Variants in ABCA7 observed in about 807,000 individuals in gnomAD.
ABCA7 encodes phospholipid-transporting ATPase ABCA7.
ABCA7 carries 261 observed loss-of-function variants against 227.6 expected under a neutral mutation model. That is an observed-to-expected ratio of 1.15 (90% CI 1.04 to 1.27). The LOEUF (loss-of-function observed/expected upper bound fraction) is 1.27. Among genes scored for constraint, ABCA7 ranks in the 50% most tolerant of loss-of-function variants. The pLI is 0.00. For missense variants in ABCA7, 3,331 were observed against 2,924.5 expected, an observed-to-expected ratio of 1.14 and a Z score of -3.21; for synonymous variants, 1,488 against 1,279.7, an observed-to-expected ratio of 1.16 and a Z score of -3.47.
chr19:1,053,259 G>T, intron 23 of ABCA7, 70 bp from the exon 24 acceptor site: 1 of 1,486,388 alleles, frequency 6.7e-7, no homozygotes, highest in Middle Eastern at 2.4e-4. Context: ...GGTCACCAAT[G>T]CCTCTTCCCC....
rs774715806 is a variant in ABCA7 at position 1,049,446 on chromosome 19, C to T, written c.2552+9C>T. On this transcript the variant is annotated intron_variant, in intron 18 of 46. Coordinates refer to ENST00000263094, the MANE Select transcript of ABCA7 (RefSeq NM_019112.4). ...GGCAAGACCACCACCCTGTGAGCCC[C>T]CAACCACTCCCTCCCCGTGAGCCCC... 4 of 1,579,776 alleles carry T rather than the reference C, an allele frequency of 2.5e-6. No homozygotes were observed. The South Asian group carries it at 3.4e-5, about 13-fold the overall frequency.
chr19:1,051,092 A>G (rs977463956), intron 19 of ABCA7, 40 bp downstream of exon 19: 2 of 1,611,288 alleles, frequency 1.2e-6, no homozygotes, highest in Admixed American at 1.7e-5. Flanking sequence ...GTGGGAAGGG[A>G]CTGGACGCCC....
chr19:1,042,247 C>T (rs1599548221), intron 5 of ABCA7, 68 bp from the exon 6 acceptor site: 2 of 1,588,600 alleles, frequency 1.3e-6, no homozygotes, highest in Admixed American at 1.7e-5. Flanking sequence ...GAAATGGGCA[C>T]AGGGTGGGGG....
rs778252749 is a variant in ABCA7, at chr19:1,044,703, G to T, written c.1174G>T (p.Asp392Tyr). 3.2e-5 allele frequency: 52 copies of T among 1,612,182 alleles called. No homozygotes were observed. The highest frequency in any genetic ancestry group is 4.3e-5 in the Non-Finnish European group (51 of 1,179,864). The stretch of plus-strand genomic sequence containing the variant: ...CTACAGCTGGCAGGACGCACACGCT[G>T]ATGTGGGGCACCTGGTGGGCACGCT... ...GGYSWQDAHA[D>Y]VGHLVGTLGR... The change falls in exon 11 of 47, where the codon GAT (aspartate) becomes TAT (tyrosine). Residue 392 changes from aspartate (D) to tyrosine (Y), a missense_variant. Transcript: ENST00000263094.
At chr19:1,057,258 G>C (rs1310194855) in intron 34 of ABCA7, 56 bp from the exon 35 acceptor site, 4 of 1,593,456 alleles carry the variant, frequency 2.5e-6, no homozygotes, top group East Asian at 2.2e-5. Flanking sequence ...ACAGGGCTGA[G>C]GGTGGCAGTG....
At chr19:1,064,794 C>A in intron 45 of ABCA7, 137 bp from the exon 46 acceptor site, 1 of 1,355,994 alleles carries the variant, frequency 7.4e-7, no homozygotes, top group Non-Finnish European at 9.6e-7. Context: ...TGGCGGGGGA[C>A]TGAGACGGGA....
chr19:1,052,278 G>A lies in ABCA7; in HGVS notation c.3212G>A (p.Ser1071Asn). 6.5e-6 allele frequency: 10 copies of A among 1,540,500 alleles called. No individual in the cohort carries two copies. The highest frequency in any genetic ancestry group is 8.7e-6 in the Non-Finnish European group (10 of 1,144,576). Residue 1071 changes from serine to asparagine, a missense_variant, in exon 23 of 47, where the codon AGC becomes AAC. Physicochemically the swap from Ser to Asn is conservative, Grantham distance 46. Transcript: ENST00000263094. ...GAAAAGAAGAATGGCAGCCAGGGCAGCAGAGTCGGTGAGGGCCGGGGTGGG... is the reference window on the plus strand; with the variant it reads ...GAAAAGAAGAATGGCAGCCAGGGCAACAGAGTCGGTGAGGGCCGGGGTGGG... ...RQEKKNGSQGSRVGTPQLLAL... is the reference protein window; with the variant it reads ...RQEKKNGSQGNRVGTPQLLAL...
At position 1,043,456 on chromosome 19, in the gene ABCA7, C is replaced by G; in HGVS notation, c.913C>G (p.Arg305Gly). 1 of 1,613,260 alleles carries G rather than the reference C, an allele frequency of 6.2e-7. No homozygotes were observed. The highest frequency in any genetic ancestry group is 1.3e-5 in the African/African-American group (1 of 75,040). Residue 305 changes from arginine (R) to glycine (G), a missense_variant, in exon 9 of 47, where the codon CGG becomes GGG. Arg to Gly is a moderately radical substitution (Grantham distance 125). Transcript: ENST00000263094. ...CTTTGCACCAGATACACCTTTTACC[C>G]GGAAGCTCATGGCCCAGGTGGGGGC... ...LLFAPDTPFT[R>G]KLMAQVNRTF...
chr19:1,050,282 T>C (rs1040511384), intron 18 of ABCA7, among the ~76,000 whole-genome samples: 1 of 151,684 alleles, frequency 6.6e-6, no homozygotes, highest in African/African-American at 2.4e-5. Flanking sequence ...GATGGTGGCG[T>C]GCACCTGTAA....
chr19:1,042,628 G>C (rs1438979022), intron 6 of ABCA7, 118 bp from the exon 7 acceptor site: 1 of 1,179,252 alleles, frequency 8.5e-7, no homozygotes, highest in African/African-American at 1.5e-5. Flanking sequence ...CAGAGCCTCA[G>C]TTTCCCTATT....
In ABCA7 at chr19:1,054,320, C is replaced by T. The variant is rs2042049586; in HGVS notation, c.3705C>T (p.Ser1235=). 2 of 1,600,538 alleles carry T rather than the reference C, an allele frequency of 1.2e-6. No individual in the cohort carries two copies. The highest frequency in any genetic ancestry group is 1.1e-5 in the South Asian group (1 of 90,776). The change falls in exon 27 of 47, where the codon AGC becomes AGT. Residue 1235 remains serine, a synonymous_variant. Transcript: ENST00000263094. This position sits in a 1 kb window ranked among gnomAD's most constrained non-coding sequence, Gnocchi z 4.8. ...LLKRFLLARR[S]RRGLFAQIVL... The stretch of plus-strand genomic sequence containing the variant: ...AGCGCTTTCTGCTTGCCCGCCGCAG[C>T]CGCCGCGGCCTGTTCGCCCAGGTGA...
rs556286113 is a variant in ABCA7 at position 1,058,728 on chromosome 19, C to G, written c.5260C>G (p.Arg1754Gly). Residue 1754 changes from arginine (R) to glycine (G), a missense_variant, in exon 38 of 47, where the codon CGA (arginine) becomes GGA (glycine). Arg to Gly is a moderately radical substitution (Grantham distance 125, BLOSUM62 -2). Transcript: ENST00000263094. ...FLLFTLLLQHRSQLLPQPRVR... is the reference protein window; with the variant it reads ...FLLFTLLLQHGSQLLPQPRVR... ...TCTCTTCACACTACTGCTGCAGCACCGAAGCCAACTCCTGCCACAGTTAGT... is the reference window on the plus strand; with the variant it reads ...TCTCTTCACACTACTGCTGCAGCACGGAAGCCAACTCCTGCCACAGTTAGT... The G allele has an allele frequency of 1.9e-6, 3 of 1,613,812 alleles. No homozygotes were observed. Among genetic ancestry groups the G allele is most frequent in the East Asian group, 2.2e-5 (1 of 44,882 alleles).
chr19:1,051,145 C>G lies in ABCA7; in HGVS notation c.2685-10C>G, dbSNP rs1428860998. On this transcript the variant is annotated splice_polypyrimidine_tract_variant and intron_variant, in intron 19 of 46. Transcript: ENST00000263094. ...CATGTGGGTCACTCTGCTCTGTGCA[C>G]TGGCCGCAGGCTGACCGTGGACGAG... is the stretch of plus-strand genomic sequence containing the variant. 2 of 1,611,068 alleles carry G rather than the reference C, an allele frequency of 1.2e-6. No homozygotes were observed. The highest frequency in any genetic ancestry group is 1.7e-6 in the Non-Finnish European group (2 of 1,179,834).
rs754600576 is a variant in ABCA7 at position 1,044,693 on chromosome 19, C to T, written c.1164C>T (p.Asp388=). Residue 388 remains aspartate, a synonymous_variant, in exon 11 of 47, where the codon GAC becomes GAT. Transcript: ENST00000263094. ...DPGSGGYSWQ[D]AHADVGHLVG... ...GGAGCGGTGGCTACAGCTGGCAGGA[C>T]GCACACGCTGATGTGGGGCACCTGG... The T allele has an allele frequency of 3.5e-5, 56 of 1,612,492 alleles. No individual in the cohort carries two copies. In the Middle Eastern group the frequency reaches 5.0e-4, roughly 14 times the overall value.
intron 30 of ABCA7, 146 bp downstream of exon 30, chr19:1,055,497 C>CTA: frequency 2.7e-5 from 21 of 775,200 alleles, no homozygotes; most frequent in Non-Finnish European, 3.9e-5. Flanking sequence ...CCTTCCTTTC[C>CTA]TCTTTTTTTT....
In ABCA7 at chr19:1,057,917, G is replaced by A. The variant is rs765488201; in HGVS notation, c.4883G>A (p.Trp1628Ter). 5.0e-6 allele frequency: 8 copies of A among 1,613,906 alleles called. No homozygotes were observed. In the East Asian group the frequency reaches 8.9e-5, roughly 18 times the overall value. The change falls in exon 36 of 47, where the codon TGG becomes TAG. Residue 1628 changes from tryptophan to a stop codon, truncating the protein, a stop_gained and splice_region_variant. Transcript: ENST00000263094. LOFTEE classifies it high-confidence loss of function. Reference protein sequence around the residue: ...ALLLLLLLYGWSITPLMYPAS... With the variant: ...ALLLLLLLYG ...AGTGACTCCTATTGTCCCTTCAGCT[G>A]GTCGATCACACCGCTCATGTACCCA...
chr19:1,064,499 G>C (rs1426067041), intron 45 of ABCA7, among the ~76,000 whole-genome samples: 4 of 151,892 alleles, frequency 2.6e-5, no homozygotes, highest in African/African-American at 9.7e-5. Flanking sequence ...TCAGGTGTGC[G>C]TTGGAGTAGG....
rs2040428433 is a variant in ABCA7, at chr19:1,044,707, T to A, written c.1178T>A (p.Val393Glu). 4.3e-6 allele frequency: 7 copies of A among 1,611,922 alleles called. No individual in the cohort carries two copies. The highest frequency in any genetic ancestry group is 1.3e-5 in the African/African-American group (1 of 74,890). The change falls in exon 11 of 47, where the codon GTG becomes GAG. Residue 393 changes from valine (V) to glutamate (E), a missense_variant. Physicochemically the swap from Val to Glu is moderately radical, Grantham distance 121. Transcript: ENST00000263094. Reference sequence around the variant, plus strand: ...AGCTGGCAGGACGCACACGCTGATGTGGGGCACCTGGTGGGCACGCTGGGC... The same window carrying A: ...AGCTGGCAGGACGCACACGCTGATGAGGGGCACCTGGTGGGCACGCTGGGC... The part of the protein sequence containing the change: ...GYSWQDAHAD[V>E]GHLVGTLGRV...
At chr19:1,049,166 C>G (rs4147913) in intron 17 of ABCA7, 100 bp from the exon 18 acceptor site, 3 of 1,401,470 alleles carry the variant, frequency 2.1e-6, no homozygotes, top group Non-Finnish European at 2.9e-6. Flanking sequence ...TTTATAGGCC[C>G]CGGCCCAGCA....
Sources: allele counts gnomAD v4.1 joint callset (sites outside exome capture counted in the v4.1 genomes callset), GRCh38; gene constraint gnomAD v4.1.1; non-coding constraint Gnocchi (gnomAD v3.1); transcripts MANE v1.5; gene names NCBI Gene and HGNC (gene_info 2026-07-23, HGNC 2026-07-21).